The following TRMT44 variants were observed in gnomAD, a reference collection of about 807,000 sequenced individuals.
TRMT44 encodes the protein probable tRNA (uracil-O(2)-)-methyltransferase.
A neutral mutation model predicts 77.3 loss-of-function variants in TRMT44; 78 were observed. The ratio of observed to expected loss-of-function variants is 1.01; its 90% CI spans 0.84 to 1.22. The LOEUF (loss-of-function observed/expected upper bound fraction) is 1.22. TRMT44 is among the 50% of genes most tolerant of loss of function. The pLI is 0.00. For synonymous variants in TRMT44, 391 were observed against 383.3 expected (o/e 1.02, Z -0.23); for missense variants, 1,090 against 964.4 (o/e 1.13, Z -1.73).
At chr4:8,495,484 TTGG>T (rs1728125157), downstream of TRMT44, among the ~76,000 whole-genome samples, 1 of 152,154 alleles carries the variant, frequency 6.6e-6, no homozygotes, top group Non-Finnish European at 1.5e-5. Flanking sequence ...TGGTTTCTCA[TTGG>T]TGATGAAGTG....
Position 8,446,354 on chromosome 4 carries a change from T to C in TRMT44, c.620-122T>C. On this transcript the variant is annotated intron_variant, in intron 1 of 10. Coordinates refer to ENST00000389737, the MANE Select transcript of TRMT44 (RefSeq NM_152544.3). This position sits in a 1 kb window ranked among gnomAD's most constrained non-coding sequence, Gnocchi z 4.3. ...AAAAGTTCCTCTCCTGGAGTGCCAT[T>C]GTGAATAGAGTGCTGGGGGATTGAA... 3.1e-6 allele frequency: 2 copies of C among 646,502 alleles called. 1 individual carries two copies. The highest frequency in any genetic ancestry group is 3.8e-5 in the South Asian group (2 of 52,546). The allele number at this position is 646,502 out of a possible 1,614,324, so 40.0% of individuals were successfully genotyped here. A position where few individuals can be genotyped will look rare whatever the true frequency, so the allele number is the denominator to read the frequency against.
intron 10 of TRMT44, among the ~76,000 whole-genome samples, chr4:8,472,774 T>TGGA (rs1727103404): frequency 2.1e-5 from 3 of 141,702 alleles, no homozygotes; most frequent in Non-Finnish European, 3.0e-5. Flanking sequence ...CCTGCAGTGC[T>TGGA]GGCTGGGCTG....
At chr4:8,457,802 AG>A (rs1725899165) in intron 6 of TRMT44, among the ~76,000 whole-genome samples, 1 of 152,226 alleles carries the variant, frequency 6.6e-6, no homozygotes, top group Non-Finnish European at 1.5e-5. Flanking sequence ...GATATGGCAA[AG>A]GTGGGCGATG....
chr4:8,443,757 G>A (rs1724893762), intron 1 of TRMT44, among the ~76,000 whole-genome samples: 1 of 152,036 alleles, frequency 6.6e-6, no homozygotes, highest in Admixed American at 6.6e-5. Context: ...GTGACTGTTC[G>A]AGACCAGCCT....
chr4:8,480,447 C>T (rs368791893), downstream of TRMT44, among the ~76,000 whole-genome samples: 2 of 152,156 alleles, frequency 1.3e-5, no homozygotes, highest in African/African-American at 2.4e-5. Context: ...CGTGAGCATT[C>T]GCAGTGGGTT....
rs921504173 is a variant in TRMT44 at position 8,451,243 on chromosome 4, G to A, written c.955-717G>A. Among the ~76,000 whole-genome samples the A allele has an allele frequency of 6.6e-6, 1 of 152,070 alleles. No individual in the cohort carries two copies. ...CTCGTGGTCCTTTGCCATCTTGTTA[G>A]CTATTTGGTACCGTCCAGAAGGTAC... is the stretch of plus-strand genomic sequence containing the variant. On this transcript the variant is annotated intron_variant, in intron 3 of 10. Transcript: ENST00000389737. This position sits in a 1 kb window ranked among gnomAD's most constrained non-coding sequence, Gnocchi z 4.1.
intron 5 of TRMT44, 112 bp from the exon 6 acceptor site, chr4:8,454,630 C>T (rs1190686093): frequency 1.0e-6 from 1 of 985,882 alleles, no homozygotes; most frequent in South Asian, 1.4e-5. Context: ...GCAGGAAGCT[C>T]TTCTCTTGCC....
the TRMT44 span, among the ~76,000 whole-genome samples, chr4:8,498,689 T>C: frequency 1.3e-5 from 2 of 152,164 alleles, no homozygotes; most frequent in Admixed American, 1.3e-4. This position sits in a 1 kb window ranked among gnomAD's most constrained non-coding sequence, Gnocchi z 4.3. Flanking sequence ...CTACCCAATA[T>C]CCACGCCTCC....
chr4:8,455,238 G>T (rs1725730525), intron 6 of TRMT44, among the ~76,000 whole-genome samples: 1 of 152,256 alleles, frequency 6.6e-6, no homozygotes, highest in African/African-American at 2.4e-5. Context: ...CTGCAGATGA[G>T]CCACAAAGGG....
chr4:8,488,549 A>T (rs546492534), intron 2 of TRMT44, among the ~76,000 whole-genome samples: 1 of 152,278 alleles, frequency 6.6e-6, no homozygotes, highest in South Asian at 2.1e-4. Flanking sequence ...TAAGGCAAGG[A>T]CCGGCCATTT....
Position 8,471,069 on chromosome 4 carries a change from C to T in TRMT44, c.1928-15C>T, listed in dbSNP as rs753110640. The stretch of plus-strand genomic sequence containing the variant: ...GCTGTTGTTTTGGGGAAAAAAAAAA[C>T]CCGTTTTTCCACAGAGAGCCTATCT... On this transcript the variant is annotated splice_polypyrimidine_tract_variant and intron_variant, in intron 9 of 10. Transcript: ENST00000389737. 1 of 1,548,694 alleles carries T rather than the reference C, an allele frequency of 6.5e-7. No individual in the cohort carries two copies. Among genetic ancestry groups the T allele is most frequent in the East Asian group, 2.3e-5 (1 of 44,148 alleles).
chr4:8,482,101 G>C (rs764757427), intron 2 of TRMT44, among the ~76,000 whole-genome samples: 1 of 152,128 alleles, frequency 6.6e-6, no homozygotes, highest in Non-Finnish European at 1.5e-5. Context: ...ATTTTCTTGG[G>C]GCTCATCTTG....
chr4:8,496,816 TGGG>T (rs2109244201), downstream of TRMT44, among the ~76,000 whole-genome samples: 1 of 150,646 alleles, frequency 6.6e-6, no homozygotes, highest in South Asian at 2.1e-4. Flanking sequence ...AAGCACGAAA[TGGG>T]GTTAAATTTT....
At chr4:8,498,135 C>T (rs528037698), downstream of TRMT44, among the ~76,000 whole-genome samples, 18 of 152,076 alleles carry the variant, frequency 1.2e-4, no homozygotes, top group Admixed American at 2.0e-4. This position sits in a 1 kb window ranked among gnomAD's most constrained non-coding sequence, Gnocchi z 4.3. Context: ...TCCCCTTCTC[C>T]GGGGTTTTCT....
downstream of TRMT44, among the ~76,000 whole-genome samples, chr4:8,480,008 G>A (rs776608693): frequency 2.6e-5 from 4 of 152,042 alleles, no homozygotes; most frequent in Non-Finnish European, 4.4e-5. Context: ...AGCCCCCCAA[G>A]TAGCTGGGAC....
rs769537607 is a variant in TRMT44, at chr4:8,468,323, G to GT, written c.1907dup (p.Leu636PhefsTer77). ...AACACAAGAAGTTCTCGAAATGGGA[G>GT]TTTGAAGACCTGGAATGGGGGAGGT... On this transcript the variant is annotated frameshift_variant, in exon 9 of 11. Transcript: ENST00000389737. LOFTEE classifies it high-confidence loss of function. The GT allele has an allele frequency of 3.1e-6, 5 of 1,614,148 alleles. No homozygotes were observed. In the South Asian group the frequency reaches 5.5e-5, roughly 18 times the overall value.
intron 2 of TRMT44, among the ~76,000 whole-genome samples, chr4:8,491,554 C>T (rs1366658937): frequency 3.3e-5 from 5 of 152,340 alleles, no homozygotes; most frequent in Middle Eastern, 3.4e-3. Flanking sequence ...AGCCCTGCCC[C>T]ATGGAAAGGC....
downstream of TRMT44, among the ~76,000 whole-genome samples, chr4:8,479,982 A>C (rs1397477556): frequency 6.6e-6 from 1 of 152,022 alleles, no homozygotes; most frequent in Non-Finnish European, 1.5e-5. Context: ...CCCGGGCTTA[A>C]TTGATCTCCT....
intron 9 of TRMT44, among the ~76,000 whole-genome samples, chr4:8,470,465 C>T (rs983747165): frequency 2.0e-5 from 3 of 152,244 alleles, no homozygotes; most frequent in African/African-American, 7.2e-5. Flanking sequence ...CATTCATATC[C>T]AATTTGATGT....
Sources: allele counts gnomAD v4.1 joint callset (sites outside exome capture counted in the v4.1 genomes callset), GRCh38; gene constraint gnomAD v4.1.1; non-coding constraint Gnocchi (gnomAD v3.1); transcripts MANE v1.5; gene names NCBI Gene and HGNC (gene_info 2026-07-23, HGNC 2026-07-21).